Variants in KIAA0319L observed in about 807,000 individuals in gnomAD.
KIAA0319L encodes the protein dyslexia-associated protein KIAA0319-like protein.
In KIAA0319L, 55 loss-of-function variants were observed where a neutral mutation model predicts 120.1. The observed-to-expected ratio is 0.46, with a 90% CI of 0.37 to 0.57. KIAA0319L has a LOEUF of 0.57. Among genes scored for constraint, KIAA0319L ranks in the 20% least tolerant of loss-of-function variants. The pLI, the probability that KIAA0319L is intolerant of heterozygous loss-of-function variation, is 0.00. For missense variants in KIAA0319L, 1,049 were observed against 1,255.3 expected (o/e 0.84, Z 2.48); for synonymous variants, 398 against 471.9 (o/e 0.84, Z 2.03).
At chr1:35,552,956 G>A (rs1647373958) in intron 2 of KIAA0319L, among the ~76,000 whole-genome samples, 1 of 152,114 alleles carries the variant, frequency 6.6e-6, no homozygotes, top group South Asian at 2.1e-4. Context: ...GTGTGGTGGT[G>A]TGCGCCTGTA....
intron 5 of KIAA0319L, among the ~76,000 whole-genome samples, chr1:35,472,700 C>G (rs1201968353): frequency 1.3e-5 from 2 of 152,136 alleles, no homozygotes; most frequent in African/African-American, 4.8e-5. Flanking sequence ...CACCCCCAAC[C>G]TTTGGAAGTT....
chr1:35,451,788 G>C lies in KIAA0319L; in HGVS notation c.1914-12C>G. On this transcript the variant is annotated splice_polypyrimidine_tract_variant and intron_variant, in intron 12 of 20. Transcript: ENST00000325722. Reference sequence around the variant, plus strand: ...CCCCATCAGGTCCCCTGCAAAAAAAGAAACTAGAGGGTAGAGTTGTACCTG... The same window carrying C: ...CCCCATCAGGTCCCCTGCAAAAAAACAAACTAGAGGGTAGAGTTGTACCTG... The C allele has an allele frequency of 1.9e-6, 3 of 1,613,840 alleles. No homozygotes were observed. The highest frequency in any genetic ancestry group is 2.5e-6 in the Non-Finnish European group (3 of 1,179,824).
chr1:35,535,534 T>A (rs2148479417), intron 2 of KIAA0319L, among the ~76,000 whole-genome samples: 1 of 152,298 alleles, frequency 6.6e-6, no homozygotes, highest in Non-Finnish European at 1.5e-5. Flanking sequence ...CCTTAGTTTT[T>A]TCATGTGTAA....
At chr1:35,486,005 G>A (rs1165155266) in intron 3 of KIAA0319L, among the ~76,000 whole-genome samples, 1 of 152,150 alleles carries the variant, frequency 6.6e-6, no homozygotes, top group African/African-American at 2.4e-5. Flanking sequence ...TGTCACCAGA[G>A]CTGAGTAATG....
intron 2 of KIAA0319L, among the ~76,000 whole-genome samples, chr1:35,526,517 C>T (rs998993658): frequency 2.0e-5 from 3 of 150,358 alleles, no homozygotes; most frequent in African/African-American, 7.3e-5. Flanking sequence ...CCAATCTTAG[C>T]TCACTGCAGC....
In KIAA0319L at chr1:35,475,025, A is replaced by G. The variant is rs997456028; in HGVS notation, c.914-119T>C. The G allele has an allele frequency of 6.7e-5, 41 of 613,244 alleles. No individual in the cohort carries two copies. In the African/African-American group the frequency reaches 6.9e-4, roughly 10 times the overall value. 38.0% of individuals were successfully genotyped at this position (613,244 alleles called of 1,614,324 possible). ...TATTCAGCTACTGCCATCAATTACTAACTTTTTTCTACTCTCTAATTGCTT... is the reference window on the plus strand; with the variant it reads ...TATTCAGCTACTGCCATCAATTACTGACTTTTTTCTACTCTCTAATTGCTT... On this transcript the variant is annotated intron_variant, in intron 4 of 20. Transcript: ENST00000325722.
chr1:35,442,250 T>G lies in KIAA0319L; in HGVS notation c.2866A>C (p.Lys956Gln). 1 of 1,610,306 alleles carries G rather than the reference T, an allele frequency of 6.2e-7. No homozygotes were observed. Among genetic ancestry groups the G allele is most frequent in the Non-Finnish European group, 8.5e-7 (1 of 1,176,566 alleles). ...ILSWTVICCC[K>Q]RQKGKPKRKS... is the part of the protein sequence containing the mutation. ...TCAAAGGAAAATCCATCTTACCTCT[T>G]ACAACAACAGATCACAGTCCAAGAC... The change falls in exon 19 of 21, where the codon AAG becomes CAG. Residue 956 changes from lysine (K) to glutamine (Q), a missense_variant. By Grantham distance (53) the Lys-to-Gln change is moderately conservative (BLOSUM62 1). Coordinates refer to ENST00000325722, the MANE Select transcript of KIAA0319L (RefSeq NM_024874.5).
chr1:35,522,436 C>T (rs1201528965), intron 2 of KIAA0319L, among the ~76,000 whole-genome samples: 1 of 151,850 alleles, frequency 6.6e-6, no homozygotes, highest in Non-Finnish European at 1.5e-5. Flanking sequence ...CGCACCACCA[C>T]GCCCAGCTAA....
chr1:35,456,302 T>G, intron 9 of KIAA0319L, 61 bp from the exon 10 acceptor site: 1 of 1,104,120 alleles, frequency 9.1e-7, no homozygotes, highest in Non-Finnish European at 1.3e-6. Context: ...GAATAAACAC[T>G]AGAAGACTGA....
At chr1:35,554,657 T>A in intron 1 of KIAA0319L, 138 bp from the exon 2 acceptor site, 1 of 507,936 alleles carries the variant, frequency 2.0e-6, no homozygotes, top group Non-Finnish European at 3.4e-6. Context: ...ACCCTGCCTA[T>A]AAATTTTAAA....
intron 10 of KIAA0319L, among the ~76,000 whole-genome samples, chr1:35,455,762 G>C (rs528485294): frequency 6.6e-6 from 1 of 151,682 alleles, no homozygotes; most frequent in East Asian, 1.9e-4. Context: ...TTTATCTTTA[G>C]TAGAGACGGG....
intron 2 of KIAA0319L, among the ~76,000 whole-genome samples, chr1:35,518,465 G>A (rs763831549): frequency 2.0e-5 from 3 of 152,104 alleles, no homozygotes; most frequent in Non-Finnish European, 4.4e-5. Flanking sequence ...CGCAGGAACA[G>A]AAAACCAAAT....
chr1:35,506,695 C>T lies in KIAA0319L; in HGVS notation c.583G>A (p.Val195Ile), dbSNP rs371840955. Reference sequence around the variant, plus strand: ...TGCTGTGTCACTATAGGTGTAACTACGTCACTGGGACTACCTCTCTTCTGA... The same window carrying T: ...TGCTGTGTCACTATAGGTGTAACTATGTCACTGGGACTACCTCTCTTCTGA... The part of the protein sequence containing the change: ...KLQKRGSPSD[V>I]VTPIVTQHSK... The change falls in exon 3 of 21, where the codon GTA becomes ATA. Residue 195 changes from valine (V) to isoleucine (I), a missense_variant. Transcript: ENST00000325722. The surrounding 1 kb of genome is among the most constrained non-coding windows in gnomAD (Gnocchi z 4.0). 2.0e-5 allele frequency: 32 copies of T among 1,614,052 alleles called. No individual in the cohort carries two copies. Among genetic ancestry groups the T allele is most frequent in the Middle Eastern group, 3.3e-4 (2 of 6,082 alleles).
At chr1:35,507,171 T>A in intron 2 of KIAA0319L, 36 bp from the exon 3 acceptor site, 1 of 1,510,508 alleles carries the variant, frequency 6.6e-7, no homozygotes, top group South Asian at 1.4e-5. Flanking sequence ...TCAGATGAAA[T>A]AAAAACAGAG....
intron 3 of KIAA0319L, among the ~76,000 whole-genome samples, chr1:35,503,887 CTTTTTTTT>C (rs1175289801): frequency 7.2e-6 from 1 of 138,656 alleles, no homozygotes; most frequent in African/African-American, 2.7e-5. Flanking sequence ...TTGTGATTTT[CTTTTTTTT>C]TTTTTTTTGA....
intron 9 of KIAA0319L, among the ~76,000 whole-genome samples, chr1:35,459,881 G>A (rs1642767997): frequency 6.6e-6 from 1 of 152,132 alleles, no homozygotes; most frequent in African/African-American, 2.4e-5. Flanking sequence ...AGCAGAGAAT[G>A]AAAACCACTA....
At chr1:35,550,697 A>G (rs1328819592) in intron 2 of KIAA0319L, among the ~76,000 whole-genome samples, 2 of 152,184 alleles carry the variant, frequency 1.3e-5, no homozygotes, top group African/African-American at 2.4e-5. Context: ...ATTTAATATT[A>G]GGAGCATTTT....
At chr1:35,544,274 C>T (rs1411154834) in intron 2 of KIAA0319L, among the ~76,000 whole-genome samples, 1 of 149,848 alleles carries the variant, frequency 6.7e-6, no homozygotes, top group Non-Finnish European at 1.5e-5. Context: ...GAGGCTGAGG[C>T]AGGAGAATCG....
At position 35,504,297 on chromosome 1, in the gene KIAA0319L, C is replaced by T. The variant is rs1024158225; in HGVS notation, c.666+2315G>A. Among the ~76,000 whole-genome samples the T allele has an allele frequency of 3.3e-5, 5 of 151,878 alleles. No individual in the cohort carries two copies. The East Asian group carries it at 5.8e-4, about 18-fold the overall frequency. On this transcript the variant is annotated intron_variant, in intron 3 of 20. Transcript: ENST00000325722. ...CTGCAAGCTCCACCTCCCAGGTTCA[C>T]GACATTCTCCTCCCTCAGCCTCCCG...
Sources: gnomAD v4.1 joint callset for allele counts (sites outside exome capture counted in the v4.1 genomes callset) on GRCh38, gnomAD v4.1.1 for gene constraint, Gnocchi (gnomAD v3.1) non-coding constraint, MANE v1.5 for transcripts, NCBI Gene and HGNC (gene_info 2026-07-23, HGNC 2026-07-21) for gene names.